NCKAP5L: variants seen among roughly 807,000 people sequenced by gnomAD.
NCKAP5L encodes nck-associated protein 5-like.
NCKAP5L carries 54 observed loss-of-function variants against 103.2 expected under a neutral mutation model. The ratio of observed to expected loss-of-function variants is 0.52; its 90% CI spans 0.42 to 0.66. The LOEUF (loss-of-function observed/expected upper bound fraction) is 0.66. NCKAP5L is among the 30% of genes least tolerant of loss of function. The pLI is 0.00. For missense variants in NCKAP5L, 1,733 were observed against 1,750.6 expected (o/e 0.99, Z 0.18); for synonymous variants, 762 against 748.6 (o/e 1.02, Z -0.29).
intron 1 of NCKAP5L, among the ~76,000 whole-genome samples, chr12:49,814,154 T>TTA (rs1174592544): frequency 1.1e-5 from 1 of 93,960 alleles, no homozygotes; most frequent in African/African-American, 7.0e-5. Context: ...GTCCTTTATT[T>TTA]TATATTTATA....
At chr12:49,821,477 C>T (rs1427454151) in intron 1 of NCKAP5L, among the ~76,000 whole-genome samples, 1 of 152,184 alleles carries the variant, frequency 6.6e-6, no homozygotes, top group African/African-American at 2.4e-5. Flanking sequence ...GAAGAGAAGC[C>T]ACTCAAGCCA....
Position 49,792,393 on chromosome 12 carries a change from A to G in NCKAP5L, c.3792+53T>C. The stretch of plus-strand genomic sequence containing the variant: ...TTACTGGAGAAACTGGTCTCCCCAC[A>G]TCACTCCCTCCTGCTCCCGAGTCCT... On this transcript the variant is annotated intron_variant, in intron 12 of 12. Transcript: ENST00000335999. The surrounding 1 kb of genome is among the most constrained non-coding windows in gnomAD (Gnocchi z 4.5). 2 of 1,602,354 alleles carry G rather than the reference A, an allele frequency of 1.2e-6. No homozygotes were observed. Among genetic ancestry groups the G allele is most frequent in the Non-Finnish European group, 1.7e-6 (2 of 1,174,698 alleles).
chr12:49,807,590 C>T (rs1210208587), intron 1 of NCKAP5L, among the ~76,000 whole-genome samples: 1 of 152,158 alleles, frequency 6.6e-6, no homozygotes, highest in Non-Finnish European at 1.5e-5. Context: ...TTGGTTTGCT[C>T]ATAACATTAT....
intron 1 of NCKAP5L, among the ~76,000 whole-genome samples, chr12:49,807,635 A>G (rs1396009331): frequency 2.6e-5 from 4 of 152,126 alleles, no homozygotes. Context: ...ACAGGCCTGG[A>G]AAAAAAATGA....
chr12:49,820,505 C>T (rs966326919), intron 1 of NCKAP5L, among the ~76,000 whole-genome samples: 2 of 151,984 alleles, frequency 1.3e-5, no homozygotes, highest in African/African-American at 4.8e-5. Context: ...TTAGTAGAGA[C>T]GGTGTTTCAC....
chr12:49,794,027 G>T, intron 8 of NCKAP5L, 131 bp from the exon 9 acceptor site: 1 of 825,108 alleles, frequency 1.2e-6, no homozygotes, highest in African/African-American at 1.7e-5. Context: ...GGGACATGTC[G>T]CTAGTGATTG....
At chr12:49,810,958 T>C (rs1946233471) in intron 1 of NCKAP5L, among the ~76,000 whole-genome samples, 1 of 152,118 alleles carries the variant, frequency 6.6e-6, no homozygotes, top group South Asian at 2.1e-4. Flanking sequence ...CAGTAGAACT[T>C]TCTGTAATAA....
chr12:49,793,640 A>G lies in NCKAP5L; in HGVS notation c.3258+94T>C, dbSNP rs984955788. The G allele has an allele frequency of 5.6e-6, 8 of 1,425,048 alleles. No homozygotes were observed. The African/African-American group carries it at 1.2e-4, about 21-fold the overall frequency. 88.3% of individuals were successfully genotyped at this position (1,425,048 alleles called of 1,614,324 possible). On this transcript the variant is annotated intron_variant, in intron 9 of 12. Coordinates refer to ENST00000335999, the MANE Select transcript of NCKAP5L (RefSeq NM_001037806.4). ...GAGACTGTGAGTGCATCCGGCACTC[A>G]TGGTCTTGGGGAAGGGGAACCCTCT...
intron 1 of NCKAP5L, among the ~76,000 whole-genome samples, chr12:49,815,592 C>T (rs1363501852): frequency 6.6e-6 from 1 of 152,136 alleles, no homozygotes; most frequent in Non-Finnish European, 1.5e-5. Flanking sequence ...TCGGCTCAAG[C>T]GATTCTCATG....
chr12:49,791,937 C>T lies in NCKAP5L; in HGVS notation c.3907G>A (p.Gly1303Ser). ...TPSTSDMAEE[G>S]RVASGGPPGL... ...GGGGGGCCCCCGCTGGCCACTCTGC[C>T]TTCCTCGGCCATGTCCGAAGTGCTG... Residue 1303 changes from glycine to serine, a missense_variant, in exon 13 of 13, where the codon GGC (glycine) becomes AGC (serine). Physicochemically the swap from Gly to Ser is moderately conservative, Grantham distance 56. Coordinates refer to ENST00000335999, the MANE Select transcript of NCKAP5L (RefSeq NM_001037806.4). 3 of 1,612,492 alleles carry T rather than the reference C, an allele frequency of 1.9e-6. No homozygotes were observed. Among genetic ancestry groups the T allele is most frequent in the Non-Finnish European group, 2.5e-6 (3 of 1,179,512 alleles).
In NCKAP5L at chr12:49,795,452, C is replaced by T; in HGVS notation, c.2408G>A (p.Ser803Asn). The change falls in exon 8 of 13, where the codon AGC becomes AAC. Residue 803 changes from serine (S) to asparagine (N), a missense_variant. By Grantham distance (46) the Ser-to-Asn change is conservative (BLOSUM62 1). Transcript: ENST00000335999. ...AGGGCTCTTATTGGGCTTGCCCAGG[C>T]TTGGGGCTGAGGTTGGCACTTTGGC... ...TPAKVPTSAP[S>N]LGKPNKSPHS... The T allele has an allele frequency of 3.2e-6, 5 of 1,567,768 alleles. No individual in the cohort carries two copies. Among genetic ancestry groups the T allele is most frequent in the Non-Finnish European group, 4.3e-6 (5 of 1,162,234 alleles).
At chr12:49,813,591 G>A (rs139869314) in intron 1 of NCKAP5L, among the ~76,000 whole-genome samples, 3 of 152,176 alleles carry the variant, frequency 2.0e-5, no homozygotes, top group Non-Finnish European at 2.9e-5. Flanking sequence ...GCAGTGGCGC[G>A]ATTTCAGCTC....
At chr12:49,809,717 G>A (rs1946219440) in intron 1 of NCKAP5L, among the ~76,000 whole-genome samples, 1 of 152,178 alleles carries the variant, frequency 6.6e-6, no homozygotes, top group African/African-American at 2.4e-5. Context: ...AGGAGTGTGG[G>A]GAGGGATAGG....
In NCKAP5L at chr12:49,795,688, C is replaced by T. The variant is rs757745975; in HGVS notation, c.2172G>A (p.Gly724=). The T allele has an allele frequency of 2.5e-6, 4 of 1,610,910 alleles. No individual in the cohort carries two copies. The highest frequency in any genetic ancestry group is 1.3e-5 in the African/African-American group (1 of 74,902). The change falls in exon 8 of 13, where the codon GGG becomes GGA. Residue 724 remains glycine (G), a synonymous_variant. Transcript: ENST00000335999. ...TGCCCAAGGCCACTGCCCCCCGTATCCCCCCCTTGGCTTCTAGCTGCTCCA... is the reference window on the plus strand; with the variant it reads ...TGCCCAAGGCCACTGCCCCCCGTATTCCCCCCTTGGCTTCTAGCTGCTCCA... The part of the protein sequence containing the change: ...RPLEQLEAKG[G]IRGAVALGTN...
chr12:49,795,259 G>T lies in NCKAP5L; in HGVS notation c.2601C>A (p.Pro867=). ...TAQSTPLVPG[P]TDPSQGPEGL... ...CCTCAGGGCCCTGACTTGGGTCAGT[G>T]GGGCCAGGTACTAGGGGTGTGGACT... The change falls in exon 8 of 13, where the codon CCC becomes CCA. Residue 867 remains proline (P), a synonymous_variant. Transcript: ENST00000335999. The T allele has an allele frequency of 6.5e-7, 1 of 1,543,972 alleles. No homozygotes were observed. Among genetic ancestry groups the T allele is most frequent in the Non-Finnish European group, 8.7e-7 (1 of 1,146,680 alleles).
At position 49,791,979 on chromosome 12, in the gene NCKAP5L, C is replaced by T. The variant is rs754291196; in HGVS notation, c.3865G>A (p.Gly1289Arg). The T allele has an allele frequency of 1.1e-5, 18 of 1,608,106 alleles. No homozygotes were observed. Among genetic ancestry groups the T allele is most frequent in the Non-Finnish European group, 1.3e-5 (15 of 1,177,556 alleles). The change falls in exon 13 of 13, where the codon GGG (glycine) becomes AGG (arginine). Residue 1289 changes from glycine to arginine, a missense_variant. Gly to Arg is a moderately radical substitution (Grantham distance 125). Transcript: ENST00000335999. ...PSPTPQGPPF[G>R]GSRTPSTSDM... is the part of the protein sequence containing the mutation. ...GAAGTGCTGGGGGTGCGGCTACCCC[C>T]GAAAGGTGGGCCCTGGGGCGTAGGG...
chr12:49,814,598 C>T (rs907036100), intron 1 of NCKAP5L, among the ~76,000 whole-genome samples: 4 of 151,972 alleles, frequency 2.6e-5, no homozygotes, highest in Admixed American at 6.6e-5. Context: ...CTATTACATT[C>T]CCCTGCTCCT....
rs746112244 is a variant in NCKAP5L, at chr12:49,796,097, G to A, written c.1763C>T (p.Thr588Ile). ...CTCAGGGGCCTGTGGTACCTCCAGA[G>A]TTAGCTGTGGGTAGGTGGGCACCTG... ...PLQVPTYPQL[T>I]LEVPQAPEVL... is the part of the protein sequence containing the mutation. The change falls in exon 8 of 13, where the codon ACT (threonine) becomes ATT (isoleucine). Residue 588 changes from threonine to isoleucine, a missense_variant. Physicochemically the swap from Thr to Ile is moderately conservative, Grantham distance 89 (BLOSUM62 -1). Coordinates refer to ENST00000335999, the MANE Select transcript of NCKAP5L (RefSeq NM_001037806.4). 2 of 1,607,452 alleles carry A rather than the reference G, an allele frequency of 1.2e-6. No homozygotes were observed. Among genetic ancestry groups the A allele is most frequent in the Non-Finnish European group, 1.7e-6 (2 of 1,177,092 alleles).
intron 1 of NCKAP5L, among the ~76,000 whole-genome samples, chr12:49,824,383 G>A (rs954091607): frequency 6.6e-6 from 1 of 151,800 alleles, no homozygotes; most frequent in African/African-American, 2.4e-5. Flanking sequence ...ATCAAGAAGA[G>A]TCAAGAAATG....
Sources: allele counts gnomAD v4.1 joint callset (sites outside exome capture counted in the v4.1 genomes callset), GRCh38; gene constraint gnomAD v4.1.1; non-coding constraint Gnocchi (gnomAD v3.1); transcripts MANE v1.5; gene names NCBI Gene and HGNC (gene_info 2026-07-23, HGNC 2026-07-21).